SCOC: variants seen among roughly 807,000 people sequenced by gnomAD.
SCOC encodes the protein short coiled coil protein.
In SCOC, 7 loss-of-function variants were observed where a neutral mutation model predicts 9.9. That is an observed-to-expected ratio of 0.71 (90% CI 0.40 to 1.33). SCOC has a LOEUF of 1.33. Among genes scored for constraint, SCOC ranks in the 40% most tolerant of loss-of-function variants. SCOC has a pLI of 0.01. For synonymous variants in SCOC, 19 were observed against 28.2 expected (o/e 0.67, Z 1.03); for missense variants, 66 against 89.7 (o/e 0.74, Z 1.07).
At chr4:140,359,891 A>T (rs1325862235) in intron 2 of SCOC, among the ~76,000 whole-genome samples, 1 of 152,154 alleles carries the variant, frequency 6.6e-6, no homozygotes, top group African/African-American at 2.4e-5. Flanking sequence ...TCCGCATGGA[A>T]CTCTAAACAA....
chr4:140,311,085 C>T (rs898526201), intron 1 of SCOC, among the ~76,000 whole-genome samples: 9 of 152,100 alleles, frequency 5.9e-5, no homozygotes, highest in Non-Finnish European at 8.8e-5. Context: ...GGTTTTTAGC[C>T]AGGCATGGTA....
intron 2 of SCOC, among the ~76,000 whole-genome samples, chr4:140,344,378 A>G (rs1366139998): frequency 1.3e-5 from 2 of 152,154 alleles, no homozygotes; most frequent in Non-Finnish European, 2.9e-5. Flanking sequence ...CCTTTAGCGC[A>G]ATCATAGTAT....
upstream of SCOC, among the ~76,000 whole-genome samples, chr4:140,339,279 C>G (rs1341048598): frequency 1.3e-5 from 2 of 152,072 alleles, no homozygotes; most frequent in Non-Finnish European, 2.9e-5. Context: ...CCCTTCCTTA[C>G]ACCTTACACA....
intron 1 of SCOC, among the ~76,000 whole-genome samples, chr4:140,259,891 A>T (rs1400787309): frequency 6.6e-6 from 1 of 152,106 alleles, no homozygotes; most frequent in Non-Finnish European, 1.5e-5. Flanking sequence ...CTCGTGTCAA[A>T]TGGGTTTACC....
chr4:140,293,703 T>C (rs1731543920), intron 1 of SCOC, among the ~76,000 whole-genome samples: 1 of 152,152 alleles, frequency 6.6e-6, no homozygotes. Flanking sequence ...AACCCCACAG[T>C]GTATCCAAAG....
intron 2 of SCOC, 125 bp downstream of exon 2, chr4:140,379,317 A>G: frequency 1.3e-6 from 1 of 765,282 alleles, no homozygotes. Flanking sequence ...ACTTATTTAT[A>G]TCTCATCTAG....
intron 1 of SCOC, among the ~76,000 whole-genome samples, chr4:140,264,672 A>G (rs1205203804): frequency 6.6e-6 from 1 of 152,202 alleles, no homozygotes; most frequent in African/African-American, 2.4e-5. Context: ...TGTATCCCAC[A>G]TGACTTTTGA....
chr4:140,343,041 ACATATATGTATGG>A (rs778630874), upstream of SCOC, among the ~76,000 whole-genome samples: 81 of 152,212 alleles, frequency 5.3e-4, no homozygotes, highest in African/African-American at 1.1e-3. Context: ...ATATATTTCT[ACATATATGTATGG>A]CATATATGTA....
intron 1 of SCOC, among the ~76,000 whole-genome samples, chr4:140,314,860 C>T (rs942293130): frequency 1.3e-5 from 2 of 150,876 alleles, no homozygotes; most frequent in Non-Finnish European, 1.5e-5. Flanking sequence ...GTGAACTCCA[C>T]CCCCCCACCA....
chr4:140,353,417 T>C (rs1195048683), intron 2 of SCOC, among the ~76,000 whole-genome samples: 4 of 151,508 alleles, frequency 2.6e-5, no homozygotes, highest in African/African-American at 9.7e-5. Flanking sequence ...CTTTTTCTTT[T>C]TTTTTTTTTT....
At chr4:140,287,504 C>T (rs59465703) in intron 1 of SCOC, among the ~76,000 whole-genome samples, 29,160 of 151,488 alleles carry the variant, frequency 0.19, 5,659 homozygotes, top group African/African-American at 0.51. Context: ...CATGCACATA[C>T]ATCTACCATA....
Position 140,307,350 on chromosome 4 carries a change from C to T in SCOC, c.-18-36271C>T, listed in dbSNP as rs566107532. Among the ~76,000 whole-genome samples the T allele has an allele frequency of 3.3e-5, 5 of 152,280 alleles. No homozygotes were observed. In the East Asian group the frequency reaches 9.6e-4, roughly 29 times the overall value. On this transcript the variant is annotated intron_variant, in intron 1 of 4. Coordinates refer to the SCOC transcript ENST00000394205. ...GTTGTTCTGCAGGTAGGGAGTTACCCAGATCTTCTTTGAGCAGTCTGAGGT... is the reference window on the plus strand; with the variant it reads ...GTTGTTCTGCAGGTAGGGAGTTACCTAGATCTTCTTTGAGCAGTCTGAGGT...
intron 1 of SCOC, among the ~76,000 whole-genome samples, chr4:140,273,641 T>C (rs1730909086): frequency 2.2e-5 from 3 of 136,930 alleles, no homozygotes; most frequent in African/African-American, 1.0e-4. Flanking sequence ...TGATTTGCTC[T>C]GGTGAAAAAA....
At chr4:140,297,630 G>A (rs1362471316) in intron 1 of SCOC, among the ~76,000 whole-genome samples, 2 of 152,038 alleles carry the variant, frequency 1.3e-5, no homozygotes, top group African/African-American at 2.4e-5. Flanking sequence ...AAAAGCATAG[G>A]ATAAACTGAT....
upstream of SCOC, among the ~76,000 whole-genome samples, chr4:140,342,140 A>G (rs1302906743): frequency 6.6e-6 from 1 of 151,480 alleles, no homozygotes; most frequent in Non-Finnish European, 1.5e-5. Flanking sequence ...CATATCTCCC[A>G]CCTCTTATTT....
chr4:140,296,670 A>G (rs765731967), intron 1 of SCOC, among the ~76,000 whole-genome samples: 108 of 152,050 alleles, frequency 7.1e-4, no homozygotes, highest in Non-Finnish European at 1.4e-3. Flanking sequence ...CTCTGAGAAC[A>G]CAGTTTCTCG....
At chr4:140,267,685 T>G (rs934613569) in intron 1 of SCOC, among the ~76,000 whole-genome samples, 3 of 152,228 alleles carry the variant, frequency 2.0e-5, no homozygotes, top group South Asian at 2.1e-4. Flanking sequence ...CCCAGTGACG[T>G]GGAGACTCCG....
chr4:140,287,297 AC>A (rs1731310547), intron 1 of SCOC, among the ~76,000 whole-genome samples: 1 of 140,330 alleles, frequency 7.1e-6, no homozygotes, highest in African/African-American at 3.3e-5. Flanking sequence ...GACCATGCAC[AC>A]ATAGATACCA....
chr4:140,304,807 C>T (rs1162297094), intron 1 of SCOC, among the ~76,000 whole-genome samples: 3 of 152,178 alleles, frequency 2.0e-5, no homozygotes, highest in Non-Finnish European at 4.4e-5. Flanking sequence ...AACCAACCAA[C>T]CAACAAACCT....
Sources: allele counts gnomAD v4.1 joint callset (sites outside exome capture counted in the v4.1 genomes callset), GRCh38; gene constraint gnomAD v4.1.1; transcripts MANE v1.5; gene names NCBI Gene and HGNC (gene_info 2026-07-23, HGNC 2026-07-21).